Variants in SLC35E2B observed in about 807,000 individuals in gnomAD.
SLC35E2B encodes solute carrier family 35 member E2B.
A neutral mutation model predicts 32.4 loss-of-function variants in SLC35E2B; 18 were observed. That is an observed-to-expected ratio of 0.56 (90% CI 0.38 to 0.82). The LOEUF (loss-of-function observed/expected upper bound fraction) is 0.82, where lower values mean the gene tolerates loss of function less well. Among genes scored for constraint, SLC35E2B ranks in the 40% least tolerant of loss-of-function variants. The pLI is 0.00. For missense variants in SLC35E2B, 263 were observed against 469.5 expected (o/e 0.56, Z 4.06); for synonymous variants, 132 against 209.1 (o/e 0.63, Z 3.18).
intron 6 of SLC35E2B, 53 bp downstream of exon 6, chr1:1,671,456 G>GC: frequency 7.3e-7 from 1 of 1,362,462 alleles, no homozygotes. Flanking sequence ...ACACCCAGAT[G>GC]CAGGTGAGCA....
chr1:1,669,260 G>GA (rs1201557480), intron 8 of SLC35E2B, among the ~76,000 whole-genome samples: 1 of 151,982 alleles, frequency 6.6e-6, no homozygotes, highest in Non-Finnish European at 1.5e-5. Flanking sequence ...TTGGGAAGCT[G>GA]AGGCAGGAGA....
chr1:1,668,346 T>G lies in SLC35E2B; in HGVS notation c.961A>C (p.Ile321Leu). The change falls in exon 9 of 10, where the codon ATC (isoleucine) becomes CTC (leucine). Residue 321 changes from isoleucine to leucine, a missense_variant. Physicochemically the swap from Ile to Leu is conservative, Grantham distance 5. Transcript: ENST00000617444. ...SVTAYALMGK[I>L]SPVTFSVAST... The stretch of plus-strand genomic sequence containing the variant: ...GCTCACCTGAAAGTCACCGGGGAGA[T>G]TTTCCCCATGAGGGCGTACGCCGTG... The G allele has an allele frequency of 6.2e-7, 1 of 1,608,540 alleles. No individual in the cohort carries two copies. The highest frequency in any genetic ancestry group is 8.5e-7 in the Non-Finnish European group (1 of 1,177,636).
intron 8 of SLC35E2B, 94 bp downstream of exon 8, chr1:1,669,570 G>A (rs1409766360): frequency 6.0e-6 from 8 of 1,331,210 alleles, no homozygotes; most frequent in African/African-American, 4.4e-5. Context: ...CAACCAGCCA[G>A]CACACGGCCT....
intron 6 of SLC35E2B, chr1:1,670,538 C>T (rs934013310): frequency 1.6e-4 from 28 of 170,634 alleles, no homozygotes; most frequent in Admixed American, 1.4e-3. Context: ...TCTCTTTCCT[C>T]GGCCTCCCCA....
chr1:1,667,364 G>A (rs2101091954), intron 9 of SLC35E2B, among the ~76,000 whole-genome samples: 1 of 152,254 alleles, frequency 6.6e-6, no homozygotes, highest in East Asian at 1.9e-4. Flanking sequence ...AGTGAGCCGA[G>A]ACTGCGATAC....
In SLC35E2B at chr1:1,666,033, G is replaced by T. The variant is rs1018987902; in HGVS notation, c.981-14C>A. 1.0e-5 allele frequency: 16 copies of T among 1,547,812 alleles called. No homozygotes were observed. Among genetic ancestry groups the T allele is most frequent in the Non-Finnish European group, 1.2e-5 (14 of 1,144,534 alleles). On this transcript the variant is annotated splice_polypyrimidine_tract_variant and intron_variant, in intron 9 of 9. Coordinates refer to ENST00000617444, the MANE Select transcript of SLC35E2B (RefSeq NM_001290264.2). Reference sequence around the variant, plus strand: ...GTGCTGGCGACGCTGCGGAGGCAAGGGGAGGCAGCAGGGGCGCTCAGGGCT... The same window carrying T: ...GTGCTGGCGACGCTGCGGAGGCAAGTGGAGGCAGCAGGGGCGCTCAGGGCT...
At chr1:1,668,709 A>G (rs547630985) in intron 8 of SLC35E2B, among the ~76,000 whole-genome samples, 1 of 152,254 alleles carries the variant, frequency 6.6e-6, no homozygotes. Flanking sequence ...GCAGATGCAA[A>G]TGGACAACAA....
Position 1,665,142 on chromosome 1 carries a change from G to C in SLC35E2B, c.*640C>G, listed in dbSNP as rs189120070. ...TTCCTCTAAACAGAAGCGACTGAAC[G>C]GCCTCCGTGGTCATAGCCCTTGAGT... On this transcript the variant is annotated 3_prime_UTR_variant, in exon 10 of 10. Transcript: ENST00000617444. 5.9e-6 allele frequency: 1 copy of C among 170,174 alleles called. No individual in the cohort carries two copies. Among genetic ancestry groups the C allele is most frequent in the South Asian group, 1.9e-4 (1 of 5,158 alleles). 10.5% of individuals were successfully genotyped at this position (170,174 alleles called of 1,614,324 possible). A position where few individuals can be genotyped will look rare whatever the true frequency, so the allele number is the denominator to read the frequency against.
Position 1,665,601 on chromosome 1 carries a change from A to T in SLC35E2B, c.*181T>A. On this transcript the variant is annotated 3_prime_UTR_variant, in exon 10 of 10. Transcript: ENST00000617444. ...CTGGTCTCTACTCCAGGAAGCTGATACCTGGAATCCCCAGTTTGAGTTTCT... is the reference window on the plus strand; with the variant it reads ...CTGGTCTCTACTCCAGGAAGCTGATTCCTGGAATCCCCAGTTTGAGTTTCT... The T allele has an allele frequency of 1.1e-6, 1 of 941,286 alleles. No individual in the cohort carries two copies. The highest frequency in any genetic ancestry group is 1.5e-6 in the Non-Finnish European group (1 of 648,354). 58.3% of individuals were successfully genotyped at this position (941,286 alleles called of 1,614,324 possible). A position where few individuals can be genotyped will look rare whatever the true frequency, so the allele number is the denominator to read the frequency against.
At chr1:1,682,567 G>A (rs1442320873) in intron 2 of SLC35E2B, among the ~76,000 whole-genome samples, 1 of 152,130 alleles carries the variant, frequency 6.6e-6, no homozygotes, top group Admixed American at 6.5e-5. Flanking sequence ...GCTGTCAGCT[G>A]TGCGGGAAGC....
chr1:1,674,686 T>C (rs1643796744), intron 5 of SLC35E2B, among the ~76,000 whole-genome samples: 2 of 145,436 alleles, frequency 1.4e-5, no homozygotes, highest in Admixed American at 1.4e-4. Context: ...TTTGATTTTG[T>C]TATAATCACC....
rs1181135338 is a variant in SLC35E2B, at chr1:1,668,355, T to G, written c.952A>C (p.Met318Leu). ...HLQSVTAYAL[M>L]GKISPVTFSV... ...AAAGTCACCGGGGAGATTTTCCCCA[T>G]GAGGGCGTACGCCGTGACGCTCTGA... Residue 318 changes from methionine to leucine, a missense_variant, in exon 9 of 10, where the codon ATG (methionine) becomes CTG (leucine). Physicochemically the swap from Met to Leu is conservative, Grantham distance 15 (BLOSUM62 2). Transcript: ENST00000617444. 6.2e-7 allele frequency: 1 copy of G among 1,610,168 alleles called. No homozygotes were observed. The highest frequency in any genetic ancestry group is 1.3e-5 in the African/African-American group (1 of 74,412).
rs1477625514 is a variant in SLC35E2B at position 1,666,059 on chromosome 1, A to G, written c.981-40T>C. 9 of 1,532,370 alleles carry G rather than the reference A, an allele frequency of 5.9e-6. No individual in the cohort carries two copies. In the Admixed American group the frequency reaches 1.6e-4, roughly 27 times the overall value. The allele number at this position is 1,532,370 out of a possible 1,614,324, so 94.9% of individuals were successfully genotyped here. On this transcript the variant is annotated intron_variant, in intron 9 of 9. Transcript: ENST00000617444. Reference sequence around the variant, plus strand: ...GGAGGCAGCAGGGGCGCTCAGGGCTATGGTCTCCTCAGCCCGTGGCCAGCA... The same window carrying G: ...GGAGGCAGCAGGGGCGCTCAGGGCTGTGGTCTCCTCAGCCCGTGGCCAGCA...
At chr1:1,666,649 AG>A (rs2101090764) in intron 9 of SLC35E2B, among the ~76,000 whole-genome samples, 1 of 151,646 alleles carries the variant, frequency 6.6e-6, no homozygotes, top group African/African-American at 2.4e-5. Flanking sequence ...GCACTGTGGG[AG>A]GCTAGGCGTG....
intron 2 of SLC35E2B, among the ~76,000 whole-genome samples, chr1:1,678,285 C>T (rs1643870845): frequency 6.6e-6 from 1 of 152,138 alleles, no homozygotes; most frequent in African/African-American, 2.4e-5. Context: ...CACCCCCTCC[C>T]CCATGAAGAC....
intron 8 of SLC35E2B, among the ~76,000 whole-genome samples, chr1:1,668,802 C>G (rs1248204014): frequency 1.3e-5 from 2 of 152,070 alleles, no homozygotes; most frequent in Non-Finnish European, 2.9e-5. Flanking sequence ...GCCAGTCTGG[C>G]CAACACGGTG....
chr1:1,669,648 T>C lies in SLC35E2B; in HGVS notation c.834+16A>G. The C allele has an allele frequency of 1.3e-6, 2 of 1,516,978 alleles. No homozygotes were observed. Among genetic ancestry groups the C allele is most frequent in the African/African-American group, 1.4e-5 (1 of 72,410 alleles). 94.0% of individuals were successfully genotyped at this position (1,516,978 alleles called of 1,614,324 possible). On this transcript the variant is annotated intron_variant, in intron 8 of 9. Transcript: ENST00000617444. ...GCCCGGCAAGTAAGGACGGGACGCC[T>C]GTGTCTGAAACCCACCGTAAAGAAA...
rs182324701 is a variant in SLC35E2B, at chr1:1,663,551, A to G, written c.*2231T>C. 77 of 426,648 alleles carry G rather than the reference A, an allele frequency of 1.8e-4. 3 individuals carry two copies. The highest frequency in any genetic ancestry group is 1.5e-3 in the African/African-American group (73 of 48,478). The allele number at this position is 426,648 out of a possible 1,614,324, so 26.4% of individuals were successfully genotyped here. On this transcript the variant is annotated 3_prime_UTR_variant, in exon 10 of 10. Coordinates refer to ENST00000617444, the MANE Select transcript of SLC35E2B (RefSeq NM_001290264.2). ...AATGGCACGATCTTGGCTCACTGCA[A>G]CCTCCATCTCCGGGGTTCAAACAAT...
rs1035652539 is a variant in SLC35E2B at position 1,671,598 on chromosome 1, G to A, written c.618C>T (p.Val206=). 12 of 1,548,742 alleles carry A rather than the reference G, an allele frequency of 7.7e-6. No individual in the cohort carries two copies. Among genetic ancestry groups the A allele is most frequent in the Non-Finnish European group, 1.0e-5 (12 of 1,145,808 alleles). ...CCGTGCACAGCGCCAGCCCGCCCATGACTGGGATGAGGGAGAGGTTGACCA... is the reference window on the plus strand; with the variant it reads ...CCGTGCACAGCGCCAGCCCGCCCATAACTGGGATGAGGGAGAGGTTGACCA... ...GLLVNLSLIP[V]MGGLALCTAT... Residue 206 remains valine, a synonymous_variant, in exon 6 of 10, where the codon GTC becomes GTT. Coordinates refer to ENST00000617444, the MANE Select transcript of SLC35E2B (RefSeq NM_001290264.2).
Sources: gnomAD v4.1 joint callset for allele counts (sites outside exome capture counted in the v4.1 genomes callset) on GRCh38, gnomAD v4.1.1 for gene constraint, MANE v1.5 for transcripts, NCBI Gene and HGNC (gene_info 2026-07-23, HGNC 2026-07-21) for gene names.